HTR7: variants seen among roughly 807,000 people sequenced by gnomAD.
HTR7 encodes the protein 5-hydroxytryptamine receptor 7.
A neutral mutation model predicts 34.0 loss-of-function variants in HTR7; 16 were observed. The ratio of observed to expected loss-of-function variants is 0.47; its 90% CI spans 0.32 to 0.71. HTR7 has a LOEUF of 0.71. Among genes scored for constraint, HTR7 ranks in the 30% least tolerant of loss-of-function variants. HTR7 has a pLI of 0.04. For missense variants in HTR7, 504 were observed against 625.5 expected, an observed-to-expected ratio of 0.81 and a Z score of 2.07; for synonymous variants, 265 against 260.2, an observed-to-expected ratio of 1.02 and a Z score of -0.18.
intron 1 of HTR7, among the ~76,000 whole-genome samples, chr10:90,787,391 G>A (rs1283466820): frequency 1.3e-5 from 2 of 152,108 alleles, no homozygotes; most frequent in Non-Finnish European, 2.9e-5. Flanking sequence ...GGGAGACAGA[G>A]ACAGGAGAAT....
intron 1 of HTR7, among the ~76,000 whole-genome samples, chr10:90,760,302 T>C (rs992521239): frequency 3.3e-5 from 5 of 152,020 alleles, no homozygotes; most frequent in African/African-American, 1.2e-4. Context: ...GTTGATCTCA[T>C]AGGAGTAAAA....
intron 2 of HTR7, among the ~76,000 whole-genome samples, chr10:90,748,518 C>T (rs1406512740): frequency 1.3e-5 from 2 of 152,126 alleles, no homozygotes; most frequent in Non-Finnish European, 2.9e-5. Context: ...AATAATGTTA[C>T]ACAAATTCAG....
At chr10:90,769,367 T>C (rs1246101391) in intron 1 of HTR7, among the ~76,000 whole-genome samples, 1 of 152,232 alleles carries the variant, frequency 6.6e-6, no homozygotes, top group Admixed American at 6.5e-5. Context: ...TTCATTACTT[T>C]TGATAATTGT....
chr10:90,793,337 C>T (rs551335038), intron 1 of HTR7, among the ~76,000 whole-genome samples: 17 of 151,584 alleles, frequency 1.1e-4, no homozygotes, highest in African/African-American at 3.4e-4. Flanking sequence ...CAATAACATA[C>T]GGGCAGAACT....
At chr10:90,767,701 CT>C (rs1469030532) in intron 1 of HTR7, among the ~76,000 whole-genome samples, 2 of 152,108 alleles carry the variant, frequency 1.3e-5, no homozygotes, top group Non-Finnish European at 2.9e-5. Flanking sequence ...AAAATTCCCC[CT>C]GCATTTAGCT....
In HTR7 at chr10:90,857,623, G is replaced by C. The variant is rs372358945; in HGVS notation, c.49C>G (p.Arg17Gly). 1 of 1,598,648 alleles carries C rather than the reference G, an allele frequency of 6.3e-7. No homozygotes were observed. ...CCCACTTCTGGCAGAAGGAAAGAGC[G>C]GAGGTGCCCGTAGAGGTCCGGGCGG... is the stretch of plus-strand genomic sequence containing the variant. ...SGRPDLYGHL[R>G]SFLLPEVGRG... is the part of the protein sequence containing the mutation. The change falls in exon 1 of 4, where the codon CGC becomes GGC. Residue 17 changes from arginine (R) to glycine (G), a missense_variant. By Grantham distance (125) the Arg-to-Gly change is moderately radical (BLOSUM62 -2). Coordinates refer to ENST00000336152, the MANE Select transcript of HTR7 (RefSeq NM_019859.4). This position sits in a 1 kb window ranked among gnomAD's most constrained non-coding sequence, Gnocchi z 6.5.
intron 1 of HTR7, among the ~76,000 whole-genome samples, chr10:90,776,995 G>T (rs1845225113): frequency 6.6e-6 from 1 of 152,156 alleles, no homozygotes; most frequent in South Asian, 2.1e-4. Flanking sequence ...GAATAAGTGA[G>T]TATATATCAG....
intron 1 of HTR7, among the ~76,000 whole-genome samples, chr10:90,830,490 T>C (rs73315611): frequency 1.8e-4 from 28 of 152,250 alleles, no homozygotes; most frequent in African/African-American, 5.5e-4. Context: ...AAAGTCACTA[T>C]AGAAAGATTT....
chr10:90,800,061 A>C (rs1845600793), intron 1 of HTR7, among the ~76,000 whole-genome samples: 1 of 152,232 alleles, frequency 6.6e-6, no homozygotes, highest in South Asian at 2.1e-4. Flanking sequence ...GGCTAAGATA[A>C]CACCATTAAT....
At chr10:90,767,174 C>G (rs1231587751) in intron 1 of HTR7, among the ~76,000 whole-genome samples, 1 of 152,130 alleles carries the variant, frequency 6.6e-6, no homozygotes, top group Non-Finnish European at 1.5e-5. Flanking sequence ...ACTGGATTGG[C>G]TCTCTGCTCA....
At chr10:90,834,252 C>T (rs1846221244) in intron 1 of HTR7, among the ~76,000 whole-genome samples, 2 of 152,144 alleles carry the variant, frequency 1.3e-5, no homozygotes, top group Non-Finnish European at 2.9e-5. Context: ...TACTAGTCCT[C>T]CAAATAGTGC....
chr10:90,830,587 A>G (rs1846152462), intron 1 of HTR7, among the ~76,000 whole-genome samples: 1 of 152,080 alleles, frequency 6.6e-6, no homozygotes, highest in Admixed American at 6.5e-5. Flanking sequence ...GGAGTTTGAG[A>G]CCAGCCTGGG....
chr10:90,841,776 G>C (rs529850891), intron 1 of HTR7, among the ~76,000 whole-genome samples: 1 of 152,166 alleles, frequency 6.6e-6, no homozygotes, highest in African/African-American at 2.4e-5. Context: ...AAAGTTGGCT[G>C]ATCACTTGAA....
intron 2 of HTR7, among the ~76,000 whole-genome samples, chr10:90,747,708 G>A (rs1354251563): frequency 6.6e-6 from 1 of 152,226 alleles, no homozygotes; most frequent in East Asian, 1.9e-4. Context: ...GACCAGGAAG[G>A]TCCCTCTCTG....
intron 1 of HTR7, among the ~76,000 whole-genome samples, chr10:90,825,545 A>C (rs1050505383): frequency 6.6e-6 from 1 of 152,252 alleles, no homozygotes; most frequent in African/African-American, 2.4e-5. Flanking sequence ...AGATGGAGAT[A>C]TGTGACCTTT....
At position 90,857,748 on chromosome 10, in the gene HTR7, C is replaced by A. The variant is rs1368029817; in HGVS notation, c.-77G>T. On this transcript the variant is annotated 5_prime_UTR_variant, in exon 1 of 4. It adds an upstream start codon to the 5' untranslated region. Coordinates refer to ENST00000336152, the MANE Select transcript of HTR7 (RefSeq NM_019859.4). The surrounding 1 kb of genome is among the most constrained non-coding windows in gnomAD (Gnocchi z 6.5). ...CCGGCTGCCGGCCCCGGGGCTTCAC[C>A]TCACCGGTTCCGCTCCGCCCGGCCC... The A allele has an allele frequency of 3.7e-6, 5 of 1,348,168 alleles. No individual in the cohort carries two copies. Among genetic ancestry groups the A allele is most frequent in the East Asian group, 6.0e-5 (2 of 33,346 alleles). 83.5% of individuals were successfully genotyped at this position (1,348,168 alleles called of 1,614,324 possible).
chr10:90,801,200 G>T (rs955607896), intron 1 of HTR7, among the ~76,000 whole-genome samples: 3 of 152,156 alleles, frequency 2.0e-5, no homozygotes, highest in Non-Finnish European at 4.4e-5. Flanking sequence ...TTTATTTTGG[G>T]ATTTGGTAGC....
In HTR7 at chr10:90,810,096, T is replaced by A. The variant is rs188739626; in HGVS notation, c.539+47037A>T. On this transcript the variant is annotated intron_variant, in intron 1 of 3. Coordinates refer to ENST00000336152, the MANE Select transcript of HTR7 (RefSeq NM_019859.4). The stretch of plus-strand genomic sequence containing the variant: ...ATTGACGGCCAGGTTTCTAAACCTC[T>A]TAAAACTCCCCAACTCTGGTGCCAC... Among the ~76,000 whole-genome samples the A allele has an allele frequency of 5.5e-3, 836 of 152,302 alleles. 3 individuals are homozygous for A. Among genetic ancestry groups the A allele is most frequent in the Non-Finnish European group, 9.2e-3 (625 of 68,018 alleles).
chr10:90,855,073 A>C (rs1199786428), intron 1 of HTR7, among the ~76,000 whole-genome samples: 1 of 152,198 alleles, frequency 6.6e-6, no homozygotes, highest in African/African-American at 2.4e-5. Context: ...AATTTTATCA[A>C]TTCTTCATTT....
Sources: allele counts gnomAD v4.1 joint callset (sites outside exome capture counted in the v4.1 genomes callset), GRCh38; gene constraint gnomAD v4.1.1; non-coding constraint Gnocchi (gnomAD v3.1); transcripts MANE v1.5; gene names NCBI Gene and HGNC (gene_info 2026-07-23, HGNC 2026-07-21).